The following PLD1 variants were observed in gnomAD, a reference collection of about 807,000 sequenced individuals.
The protein encoded by PLD1 is phospholipase D1.
A neutral mutation model predicts 137.1 loss-of-function variants in PLD1; 112 were observed. The ratio of observed to expected loss-of-function variants is 0.82; its 90% CI spans 0.70 to 0.96. The LOEUF is 0.96. Ranked by LOEUF, PLD1 falls within the 40% of genes least tolerant of loss-of-function variation. The pLI, the probability that PLD1 is intolerant of heterozygous loss-of-function variation, is 0.00. For synonymous variants in PLD1, 431 were observed against 454.7 expected, an observed-to-expected ratio of 0.95 and a Z score of 0.66; for missense variants, 1,321 against 1,342.0, an observed-to-expected ratio of 0.98 and a Z score of 0.24.
chr3:171,612,412 G>C lies in PLD1; in HGVS notation c.2749C>G (p.Arg917Gly). ...VIIGSANINDRSMLGKRDSEM... is the reference protein window; with the variant it reads ...VIIGSANINDGSMLGKRDSEM... ...CTGTCACGCTTTCCCAGCATGCTGC[G>C]GTCATTTATGTTGGCAGAGCCTGTA... The change falls in exon 25 of 27, where the codon CGC becomes GGC. Residue 917 changes from arginine to glycine, a missense_variant. Arg to Gly is a moderately radical substitution (Grantham distance 125). Coordinates refer to ENST00000351298, the MANE Select transcript of PLD1 (RefSeq NM_002662.5). The surrounding 1 kb of genome is among the most constrained non-coding windows in gnomAD (Gnocchi z 4.1). 6.2e-7 allele frequency: 1 copy of C among 1,614,010 alleles called. No individual in the cohort carries two copies. Among genetic ancestry groups the C allele is most frequent in the South Asian group, 1.1e-5 (1 of 91,066 alleles).
At chr3:171,799,454 G>A (rs13093751) in intron 1 of PLD1, among the ~76,000 whole-genome samples, 58,752 of 151,068 alleles carry the variant, frequency 0.39, 11,558 homozygotes, top group Middle Eastern at 0.52. Flanking sequence ...GTGAAACAAG[G>A]CCACCTAAGT....
chr3:171,602,927 G>A lies in PLD1; in HGVS notation c.*151C>T. ...TGATGTTTACAGTCCTTACATCAATGTGACTGCAGCCCTCCCCAGTCATTC... is the reference window on the plus strand; with the variant it reads ...TGATGTTTACAGTCCTTACATCAATATGACTGCAGCCCTCCCCAGTCATTC... On this transcript the variant is annotated 3_prime_UTR_variant, in exon 27 of 27. Coordinates refer to ENST00000351298, the MANE Select transcript of PLD1 (RefSeq NM_002662.5). 1.6e-6 allele frequency: 1 copy of A among 617,180 alleles called. No individual in the cohort carries two copies. Among genetic ancestry groups the A allele is most frequent in the Admixed American group, 2.9e-5 (1 of 34,990 alleles). The allele number at this position is 617,180 out of a possible 1,614,324, so 38.2% of individuals were successfully genotyped here.
intron 24 of PLD1, among the ~76,000 whole-genome samples, chr3:171,615,589 A>G (rs1256971254): frequency 1.3e-5 from 2 of 152,232 alleles, no homozygotes; most frequent in South Asian, 2.1e-4. Flanking sequence ...ACAACAAAAA[A>G]AGAGTTTACT....
chr3:171,762,608 G>A (rs1721478833), intron 1 of PLD1, among the ~76,000 whole-genome samples: 2 of 152,200 alleles, frequency 1.3e-5, no homozygotes, highest in African/African-American at 4.8e-5. Context: ...CCTTGGACAG[G>A]AATCTTGAAG....
Position 171,602,911 on chromosome 3 carries a change from C to T in PLD1, c.*167G>A. 1.7e-6 allele frequency: 1 copy of T among 604,808 alleles called. No individual in the cohort carries two copies. Among genetic ancestry groups the T allele is most frequent in the East Asian group, 2.7e-5 (1 of 36,462 alleles). The allele number at this position is 604,808 out of a possible 1,614,324, so 37.5% of individuals were successfully genotyped here. A position where few individuals can be genotyped will look rare whatever the true frequency, so the allele number is the denominator to read the frequency against. On this transcript the variant is annotated 3_prime_UTR_variant, in exon 27 of 27. Transcript: ENST00000351298. ...AATTATAAAGTCTTGCTGATGTTTA[C>T]AGTCCTTACATCAATGTGACTGCAG...
At chr3:171,751,990 G>C (rs1364261812) in intron 1 of PLD1, among the ~76,000 whole-genome samples, 1 of 148,486 alleles carries the variant, frequency 6.7e-6, no homozygotes, top group African/African-American at 2.5e-5. Context: ...GCGACAGAGC[G>C]AGACTCCGTC....
At chr3:171,735,431 C>G (rs1403346907) in intron 4 of PLD1, 61 bp downstream of exon 4, 2 of 1,428,054 alleles carry the variant, frequency 1.4e-6, no homozygotes, top group African/African-American at 2.8e-5. Flanking sequence ...CTACCACACC[C>G]AGACAAAATA....
chr3:171,676,769 C>T lies in PLD1; in HGVS notation c.2061G>A (p.Gly687=). ...PWHDIASAVH[G]KAARDVARHF... ...GACGTGCCACATCACGAGCCGCCTT[C>T]CCGTGGACTGCAGAGGCAATGTCAT... Residue 687 remains glycine (G), a synonymous_variant, in exon 18 of 27, where the codon GGG becomes GGA. Coordinates refer to ENST00000351298, the MANE Select transcript of PLD1 (RefSeq NM_002662.5). 6.2e-7 allele frequency: 1 copy of T among 1,614,206 alleles called. No individual in the cohort carries two copies. Among genetic ancestry groups the T allele is most frequent in the South Asian group, 1.1e-5 (1 of 91,084 alleles).
rs767778500 is a variant in PLD1, at chr3:171,709,592, A to AT, written c.1028dup (p.Tyr343Ter). Reference sequence around the variant, plus strand: ...CTAAAGCATTCTCTTGGATAGCAGCATATGACCCAAATCGATGATCTTTGA... The same window carrying AT: ...CTAAAGCATTCTCTTGGATAGCAGCATTATGACCCAAATCGATGATCTTTGA... ...NFLKDHRFGS[Y>*]AAIQENALAK... Residue 343 changes from tyrosine to a stop codon, truncating the protein, a stop_gained and frameshift_variant, in exon 10 of 27, where the codon TAT becomes TAAT. Coordinates refer to ENST00000351298, the MANE Select transcript of PLD1 (RefSeq NM_002662.5). LOFTEE classifies it high-confidence loss of function. 6.2e-7 allele frequency: 1 copy of AT among 1,614,098 alleles called. No individual in the cohort carries two copies. Among genetic ancestry groups the AT allele is most frequent in the East Asian group, 2.2e-5 (1 of 44,866 alleles).
intron 19 of PLD1, 114 bp from the exon 20 acceptor site, chr3:171,662,284 T>C: frequency 3.1e-6 from 2 of 645,612 alleles, no homozygotes; most frequent in Non-Finnish European, 5.6e-6. Flanking sequence ...TTACAGTGGC[T>C]TGAGTGTCAT....
intron 1 of PLD1, among the ~76,000 whole-genome samples, chr3:171,799,117 G>A (rs972680429): frequency 6.6e-6 from 1 of 152,128 alleles, no homozygotes; most frequent in Non-Finnish European, 1.5e-5. Flanking sequence ...GAGGCAGGTG[G>A]ATCACAAGGT....
chr3:171,623,859 T>C (rs531760292), intron 23 of PLD1, among the ~76,000 whole-genome samples: 42 of 151,982 alleles, frequency 2.8e-4, no homozygotes, highest in African/African-American at 1.0e-3. Flanking sequence ...AAACTCCAAA[T>C]TTTTTTTAAC....
chr3:171,659,955 A>C (rs1737531361), intron 20 of PLD1, among the ~76,000 whole-genome samples: 1 of 152,256 alleles, frequency 6.6e-6, no homozygotes, highest in African/African-American at 2.4e-5. Context: ...AATAGTCTTT[A>C]AAACTGTTAC....
chr3:171,665,763 C>T (rs775786767), intron 19 of PLD1, among the ~76,000 whole-genome samples: 16 of 151,810 alleles, frequency 1.1e-4, no homozygotes, highest in Non-Finnish European at 2.2e-4. Context: ...TAAGAAAAAG[C>T]GGAGGGGGCT....
intron 11 of PLD1, among the ~76,000 whole-genome samples, chr3:171,700,334 ACT>A (rs55951070): frequency 3.7e-4 from 41 of 111,430 alleles, no homozygotes; most frequent in African/African-American, 1.0e-3. Flanking sequence ...ACACACACAC[ACT>A]CTCTCTCTCT....
At chr3:171,608,175 T>G (rs555089164) in intron 25 of PLD1, among the ~76,000 whole-genome samples, 10 of 152,292 alleles carry the variant, frequency 6.6e-5, no homozygotes, top group Non-Finnish European at 1.3e-4. Context: ...AGAAACAAAG[T>G]TAGCATAAGA....
chr3:171,661,687 C>A (rs915444878), intron 20 of PLD1, among the ~76,000 whole-genome samples: 1 of 152,204 alleles, frequency 6.6e-6, no homozygotes, highest in Non-Finnish European at 1.5e-5. Context: ...TAGCAACTCA[C>A]CCCTGTGTGT....
chr3:171,716,739 T>C (rs573741250), intron 8 of PLD1, among the ~76,000 whole-genome samples: 37 of 152,362 alleles, frequency 2.4e-4, no homozygotes, highest in African/African-American at 8.2e-4. Flanking sequence ...AGAAGCTCTT[T>C]AGTTTAATTA....
chr3:171,764,881 AAGAAAG>A, intron 1 of PLD1, among the ~76,000 whole-genome samples: 1 of 25,592 alleles, frequency 3.9e-5, no homozygotes, highest in East Asian at 4.6e-4. Context: ...GAAAGAAAGA[AAGAAAG>A]AAAGAAAGGA....
Sources: allele counts gnomAD v4.1 joint callset (sites outside exome capture counted in the v4.1 genomes callset), GRCh38; gene constraint gnomAD v4.1.1; non-coding constraint Gnocchi (gnomAD v3.1); transcripts MANE v1.5; gene names NCBI Gene and HGNC (gene_info 2026-07-23, HGNC 2026-07-21).